Variants in SUGCT observed in about 807,000 individuals in gnomAD.
SUGCT encodes succinyl-CoA:glutarate CoA-transferase.
In SUGCT, 41 loss-of-function variants were observed where a neutral mutation model predicts 55.0. The observed-to-expected ratio is 0.74, with a 90% CI of 0.58 to 0.97. SUGCT has a LOEUF of 0.97. SUGCT is among the 50% of genes least tolerant of loss of function. The pLI, the probability that SUGCT is intolerant of heterozygous loss-of-function variation, is 0.00. For missense variants in SUGCT, 568 were observed against 547.8 expected (o/e 1.04, Z -0.37); for synonymous variants, 187 against 200.4 (o/e 0.93, Z 0.56).
At chr7:40,791,888 A>G (rs1790328916) in intron 13 of SUGCT, among the ~76,000 whole-genome samples, 1 of 152,166 alleles carries the variant, frequency 6.6e-6, no homozygotes, top group South Asian at 2.1e-4. Flanking sequence ...GGAATACTAC[A>G]AATACAGTAA....
intron 1 of SUGCT, among the ~76,000 whole-genome samples, chr7:40,173,905 T>C (rs1047018471): frequency 1.5e-5 from 2 of 137,500 alleles, no homozygotes; most frequent in Non-Finnish European, 3.1e-5. Flanking sequence ...ATTTATATAA[T>C]GTATATCCTG....
intron 4 of SUGCT, among the ~76,000 whole-genome samples, chr7:40,188,831 T>C (rs913463755): frequency 6.6e-6 from 1 of 152,154 alleles, no homozygotes; most frequent in Admixed American, 6.6e-5. Flanking sequence ...TTTTATGAAA[T>C]AGAAAAATTA....
chr7:40,721,401 A>T (rs959846415), intron 12 of SUGCT, among the ~76,000 whole-genome samples: 3 of 152,174 alleles, frequency 2.0e-5, no homozygotes, highest in Non-Finnish European at 2.9e-5. Flanking sequence ...CCTTTTGAAT[A>T]GTTTGCTGTC....
downstream of SUGCT, among the ~76,000 whole-genome samples, chr7:40,864,444 G>C (rs182128350): frequency 6.0e-4 from 92 of 152,190 alleles, no homozygotes; most frequent in African/African-American, 2.1e-3. Context: ...GAGCCACCAT[G>C]CCCGGAATGA....
chr7:40,756,026 T>G (rs1361951295), intron 13 of SUGCT, among the ~76,000 whole-genome samples: 1 of 152,192 alleles, frequency 6.6e-6, no homozygotes, highest in African/African-American at 2.4e-5. Context: ...TGAATCAAAT[T>G]ATTAGAATAT....
At chr7:40,938,941 T>G in the SUGCT span, among the ~76,000 whole-genome samples, 5 of 152,170 alleles carry the variant, frequency 3.3e-5, no homozygotes. Flanking sequence ...TTACGTTGGA[T>G]CCACATCTTT....
chr7:40,612,759 C>T (rs1235220101), intron 12 of SUGCT, among the ~76,000 whole-genome samples: 1 of 152,182 alleles, frequency 6.6e-6, no homozygotes, highest in African/African-American at 2.4e-5. Context: ...TGGTAACATT[C>T]AAATAATATT....
At position 40,576,370 on chromosome 7, in the gene SUGCT, G is replaced by C. The variant is rs147647703; in HGVS notation, c.1089+79984G>C. Among the ~76,000 whole-genome samples, 510 of 152,262 alleles carry C rather than the reference G, an allele frequency of 3.3e-3. 2 individuals are homozygous for C. Among genetic ancestry groups the C allele is most frequent in the African/African-American group, 0.012 (484 of 41,560 alleles). On this transcript the variant is annotated intron_variant, in intron 12 of 13. Transcript: ENST00000335693. ...AAGGGGCAACAGTGAAAGAAGAAAG[G>C]GAAAAAGGTCTGCCCTCACCAGAGG...
intron 12 of SUGCT, among the ~76,000 whole-genome samples, chr7:40,542,533 G>T (rs1421236997): frequency 6.6e-6 from 1 of 152,094 alleles, no homozygotes; most frequent in African/African-American, 2.4e-5. Flanking sequence ...TGATTAGTTT[G>T]ATAGCAAAAA....
In SUGCT at chr7:40,432,685, CAAAAAAAAA is replaced by C. The variant is rs61055999; in HGVS notation, c.817-16581_817-16573del. ...TGAGCAACAGAGTGAGACTCCCTCT[CAAAAAAAAA>C]AAAAAAAAAAAAAAAAAAAATCAAA... is the stretch of plus-strand genomic sequence containing the variant. On this transcript the variant is annotated intron_variant, in intron 9 of 13. Transcript: ENST00000335693. 1.6e-4 allele frequency among the ~76,000 whole-genome samples: 19 copies of C among 115,674 alleles called. 1 individual carries two copies. Among genetic ancestry groups the C allele is most frequent in the East Asian group, 4.6e-4 (2 of 4,390 alleles). The allele number at this position is 115,674 out of a possible 152,430, so 75.9% of individuals were successfully genotyped here.
intron 12 of SUGCT, among the ~76,000 whole-genome samples, chr7:40,683,514 C>A (rs935043505): frequency 6.6e-6 from 1 of 152,142 alleles, no homozygotes; most frequent in East Asian, 1.9e-4. Flanking sequence ...AGTGGAAGAA[C>A]GTGGAAGAAA....
intron 12 of SUGCT, among the ~76,000 whole-genome samples, chr7:40,722,901 A>G (rs1786420222): frequency 6.6e-6 from 1 of 152,224 alleles, no homozygotes; most frequent in South Asian, 2.1e-4. Flanking sequence ...CCTATAAATC[A>G]TAAACAACAT....
At chr7:40,165,401 G>C (rs1784369599) in intron 1 of SUGCT, among the ~76,000 whole-genome samples, 1 of 152,212 alleles carries the variant, frequency 6.6e-6, no homozygotes, top group Admixed American at 6.5e-5. Flanking sequence ...CCAAGTACCA[G>C]GGGAGTCCTA....
At chr7:40,837,879 G>T (rs1021434684) in intron 13 of SUGCT, among the ~76,000 whole-genome samples, 1 of 152,206 alleles carries the variant, frequency 6.6e-6, no homozygotes, top group Non-Finnish European at 1.5e-5. Flanking sequence ...CTCCCAAAGT[G>T]CTGGGATTAC....
intron 13 of SUGCT, among the ~76,000 whole-genome samples, chr7:40,835,233 C>T (rs1017753632): frequency 1.3e-5 from 2 of 152,206 alleles, no homozygotes; most frequent in African/African-American, 4.8e-5. Flanking sequence ...TCTTCCATTT[C>T]ACCTTACTGA....
At chr7:40,600,526 G>C (rs1028156561) in intron 12 of SUGCT, among the ~76,000 whole-genome samples, 2 of 152,134 alleles carry the variant, frequency 1.3e-5, no homozygotes, top group Admixed American at 6.5e-5. Flanking sequence ...TCAGTTTGGG[G>C]GATATAATTG....
At chr7:40,189,265 C>T (rs1785737280) in intron 4 of SUGCT, among the ~76,000 whole-genome samples, 1 of 152,056 alleles carries the variant, frequency 6.6e-6, no homozygotes, top group South Asian at 2.1e-4. Context: ...TCGCCTGAAC[C>T]CGGGAGGCAG....
At chr7:40,153,621 A>T (rs1290114828) in intron 1 of SUGCT, 1 of 522,552 alleles carries the variant, frequency 1.9e-6, no homozygotes, top group East Asian at 5.5e-5. Flanking sequence ...ACCTTATGTT[A>T]TAATAGTCGA....
At chr7:40,381,692 C>T (rs1784881436) in intron 9 of SUGCT, among the ~76,000 whole-genome samples, 1 of 151,966 alleles carries the variant, frequency 6.6e-6, no homozygotes, top group South Asian at 2.1e-4. Flanking sequence ...GTTGGCAGTT[C>T]ATATCATATC....
Sources: allele counts gnomAD v4.1 joint callset (sites outside exome capture counted in the v4.1 genomes callset), GRCh38; gene constraint gnomAD v4.1.1; transcripts MANE v1.5; gene names NCBI Gene and HGNC (gene_info 2026-07-23, HGNC 2026-07-21).